The following CADPS2 variants were observed in gnomAD, a reference collection of about 807,000 sequenced individuals.
CADPS2 encodes calcium-dependent secretion activator 2.
In CADPS2, 93 loss-of-function variants were observed where a neutral mutation model predicts 172.5. The observed-to-expected ratio is 0.54, with a 90% CI of 0.46 to 0.64. The LOEUF is 0.64. CADPS2 is among the 30% of genes least tolerant of loss of function. The pLI, the probability that CADPS2 is intolerant of heterozygous loss-of-function variation, is 0.00. For synonymous variants in CADPS2, 546 were observed against 555.2 expected, an observed-to-expected ratio of 0.98 and a Z score of 0.23; for missense variants, 1,420 against 1,565.9, an observed-to-expected ratio of 0.91 and a Z score of 1.57.
intron 17 of CADPS2, among the ~76,000 whole-genome samples, chr7:122,428,366 C>T (rs570464585): frequency 6.6e-6 from 1 of 151,938 alleles, no homozygotes; most frequent in East Asian, 1.9e-4. Context: ...TCATATAAAG[C>T]TGTACTTGAT....
In CADPS2 at chr7:122,709,046, A is replaced by C. The variant is rs536518646; in HGVS notation, c.453+27909T>G. Among the ~76,000 whole-genome samples the C allele has an allele frequency of 6.6e-5, 10 of 152,150 alleles. No homozygotes were observed. In the South Asian group the frequency reaches 2.1e-3, roughly 31 times the overall value. On this transcript the variant is annotated intron_variant, in intron 2 of 29. Coordinates refer to ENST00000449022, the MANE Select transcript of CADPS2 (RefSeq NM_017954.11). ...GCAGTGGTGAATAGGCAATATACTC[A>C]AAAGAGGAAAAATATACCAAGCAGA...
At chr7:122,512,791 T>C (rs1586758188) in intron 9 of CADPS2, among the ~76,000 whole-genome samples, 3 of 152,188 alleles carry the variant, frequency 2.0e-5, no homozygotes, top group East Asian at 3.9e-4. Context: ...TCTCAAGGTA[T>C]AGTCTTGGAA....
intron 6 of CADPS2, among the ~76,000 whole-genome samples, chr7:122,592,372 G>A (rs1333068700): frequency 3.9e-5 from 6 of 152,096 alleles, no homozygotes; most frequent in East Asian, 3.9e-4. Flanking sequence ...AAATAGGAAT[G>A]CTTTTACACT....
intron 2 of CADPS2, among the ~76,000 whole-genome samples, chr7:122,718,302 T>G (rs144944693): frequency 6.6e-6 from 1 of 151,970 alleles, no homozygotes; most frequent in African/African-American, 2.4e-5. Context: ...TGGAAATTTC[T>G]TGACATGGAA....
intron 7 of CADPS2, among the ~76,000 whole-genome samples, chr7:122,573,439 C>G (rs1225253507): frequency 6.6e-6 from 1 of 152,018 alleles, no homozygotes; most frequent in African/African-American, 2.4e-5. Flanking sequence ...ACTTGGGAGG[C>G]TGAGGTGGGA....
intron 8 of CADPS2, among the ~76,000 whole-genome samples, chr7:122,521,493 C>A: frequency 6.7e-6 from 1 of 148,562 alleles, no homozygotes; most frequent in Non-Finnish European, 1.5e-5. Context: ...GGTGGGGGGG[C>A]TTGTTTCAAC....
Position 122,583,179 on chromosome 7 carries a change from C to A in CADPS2, c.1224-1889G>T, listed in dbSNP as rs73717695. 7.7e-3 allele frequency among the ~76,000 whole-genome samples: 1,172 copies of A among 152,008 alleles called. 16 individuals are homozygous for A. The highest frequency in any genetic ancestry group is 0.027 in the African/African-American group (1,131 of 41,506). ...CAGACAAGTATATTCAAAAACTATT[C>A]TACAATATTTATCACCATAGCACAT... On this transcript the variant is annotated intron_variant, in intron 6 of 29. Coordinates refer to ENST00000449022, the MANE Select transcript of CADPS2 (RefSeq NM_017954.11).
intron 5 of CADPS2, among the ~76,000 whole-genome samples, chr7:122,617,868 C>T (rs773300708): frequency 3.9e-5 from 6 of 152,104 alleles, no homozygotes; most frequent in African/African-American, 9.7e-5. Flanking sequence ...ACAGTGACAC[C>T]TTGTCTCTAC....
At chr7:122,727,297 T>A (rs1346432922) in intron 2 of CADPS2, among the ~76,000 whole-genome samples, 1 of 151,798 alleles carries the variant, frequency 6.6e-6, no homozygotes, top group African/African-American at 2.4e-5. Context: ...CTGAGCAGCC[T>A]TTCCTTGGGC....
At chr7:122,439,075 A>G (rs951890246) in intron 16 of CADPS2, among the ~76,000 whole-genome samples, 4 of 152,138 alleles carry the variant, frequency 2.6e-5, no homozygotes, top group African/African-American at 9.7e-5. Flanking sequence ...CGAATGTTAA[A>G]ATACATAAAA....
chr7:122,546,317 A>T (rs2063611082), intron 8 of CADPS2, among the ~76,000 whole-genome samples: 2 of 152,164 alleles, frequency 1.3e-5, no homozygotes, highest in Non-Finnish European at 2.9e-5. Context: ...ACAACGCCCC[A>T]TTCAAGTAAG....
chr7:122,676,581 C>T, intron 2 of CADPS2: 1 of 938,160 alleles, frequency 1.1e-6, no homozygotes, highest in Non-Finnish European at 1.6e-6. Flanking sequence ...TAAATATCCA[C>T]TTCACACAGC....
chr7:122,727,071 A>G (rs1434505684), intron 2 of CADPS2, among the ~76,000 whole-genome samples: 2 of 152,104 alleles, frequency 1.3e-5, no homozygotes, highest in East Asian at 3.9e-4. Context: ...TTTTTCCCTC[A>G]TGAAAGACAC....
Position 122,708,488 on chromosome 7 carries a change from T to TATA in CADPS2, c.453+28466_453+28467insTAT, listed in dbSNP as rs1554740579. Among the ~76,000 whole-genome samples, 136 of 117,184 alleles carry TATA rather than the reference T, an allele frequency of 1.2e-3. 2 individuals carry two copies. The highest frequency in any genetic ancestry group is 6.3e-3 in the East Asian group (27 of 4,266). The allele number at this position is 117,184 out of a possible 152,430, so 76.9% of individuals were successfully genotyped here. A position where few individuals can be genotyped will look rare whatever the true frequency, so the allele number is the denominator to read the frequency against. On this transcript the variant is annotated intron_variant, in intron 2 of 29. Transcript: ENST00000449022. ...TATATATATATATATATATATATAT[T>TATA]GGATATGTAGATCCAAACATATTGT...
At chr7:122,749,401 C>T (rs2092853710) in intron 1 of CADPS2, among the ~76,000 whole-genome samples, 1 of 152,102 alleles carries the variant, frequency 6.6e-6, no homozygotes, top group Non-Finnish European at 1.5e-5. Context: ...AGCACTGCTG[C>T]TCTGTCCTGG....
At chr7:122,875,350 C>T (rs1820928526) in intron 1 of CADPS2, among the ~76,000 whole-genome samples, 1 of 152,128 alleles carries the variant, frequency 6.6e-6, no homozygotes, top group South Asian at 2.1e-4. Flanking sequence ...TGATTGTAAG[C>T]ATATACTCAT....
At chr7:122,884,583 G>A (rs1361932668) in intron 1 of CADPS2, among the ~76,000 whole-genome samples, 1 of 152,264 alleles carries the variant, frequency 6.6e-6, no homozygotes, top group Non-Finnish European at 1.5e-5. Context: ...TTAATCTCCA[G>A]CTGTAAGGAA....
chr7:122,682,232 A>G (rs895856000), intron 2 of CADPS2, among the ~76,000 whole-genome samples: 2 of 152,204 alleles, frequency 1.3e-5, no homozygotes, highest in African/African-American at 4.8e-5. Flanking sequence ...CTGAGACCCT[A>G]AAGTGGAAGA....
chr7:122,573,470 A>C (rs1300694753), intron 7 of CADPS2, among the ~76,000 whole-genome samples: 3 of 151,922 alleles, frequency 2.0e-5, no homozygotes, highest in Non-Finnish European at 4.4e-5. Flanking sequence ...AGCCTGGGAA[A>C]TTGAGGCTGC....
Sources: allele counts gnomAD v4.1 joint callset (sites outside exome capture counted in the v4.1 genomes callset), GRCh38; gene constraint gnomAD v4.1.1; transcripts MANE v1.5; gene names NCBI Gene and HGNC (gene_info 2026-07-23, HGNC 2026-07-21).